CYSLTR2: variants seen among roughly 807,000 people sequenced by gnomAD.
CYSLTR2 encodes cysteinyl leukotriene receptor 2.
For synonymous variants in CYSLTR2, 179 were observed against 160.8 expected (o/e 1.11, Z -0.86); for missense variants, 398 against 411.9 (o/e 0.97, Z 0.29).
chr13:48,706,932 GAA>G lies in CYSLTR2; in HGVS notation c.116_117del (p.Glu39ValfsTer29). On this transcript the variant is annotated frameshift_variant, in exon 5 of 5. Coordinates refer to ENST00000682523, the MANE Select transcript of CYSLTR2 (RefSeq NM_001308476.3). LOFTEE classifies it low-confidence loss of function (END_TRUNC). The stretch of plus-strand genomic sequence containing the variant: ...CTGCACAATTGAAAACTTCAAGAGA[GAA>G]TTTTTCCCAATTGTATATCTGATAA... ...RNCTIENFKR[E>X]FFPIVYLIIF... 6.2e-7 allele frequency: 1 copy of G among 1,614,152 alleles called. No individual in the cohort carries two copies. Among genetic ancestry groups the G allele is most frequent in the Non-Finnish European group, 8.5e-7 (1 of 1,180,020 alleles).
intron 3 of CYSLTR2, 128 bp downstream of exon 3, chr13:48,693,638 A>G (rs1954092637): frequency 6.6e-6 from 1 of 152,062 alleles, no homozygotes; most frequent in African/African-American, 2.4e-5. Context: ...AAAAAGGCTA[A>G]TGATGTTCCC....
At chr13:48,689,051 G>A (rs1323874898) in intron 1 of CYSLTR2, among the ~76,000 whole-genome samples, 1 of 152,212 alleles carries the variant, frequency 6.6e-6, no homozygotes, top group African/African-American at 2.4e-5. Context: ...CCGCATAAAT[G>A]TCTTCTTTTG....
intron 1 of CYSLTR2, among the ~76,000 whole-genome samples, chr13:48,661,684 C>T (rs954300783): frequency 3.3e-5 from 5 of 152,214 alleles, no homozygotes; most frequent in African/African-American, 1.2e-4. Flanking sequence ...CTTACACCAA[C>T]TGTCTCCTGT....
chr13:48,695,068 A>ATTT lies in CYSLTR2; in HGVS notation c.-102-1434_-102-1432dup, dbSNP rs869282546. ...AGACCATGGTATATCAGAACCTGGC[A>ATTT]TTTTTTTTTTTTTTTTTTTTTTTTT... On this transcript the variant is annotated intron_variant, in intron 3 of 4. Transcript: ENST00000682523. Among the ~76,000 whole-genome samples, 85 of 71,606 alleles carry ATTT rather than the reference A, an allele frequency of 1.2e-3. 17 individuals are homozygous for ATTT. Among genetic ancestry groups the ATTT allele is most frequent in the African/African-American group, 3.5e-3 (57 of 16,276 alleles). 47.0% of individuals were successfully genotyped at this position (71,606 alleles called of 152,430 possible). A position where few individuals can be genotyped will look rare whatever the true frequency, so the allele number is the denominator to read the frequency against.
At position 48,707,047 on chromosome 13, in the gene CYSLTR2, T is replaced by G. The variant is rs200908052; in HGVS notation, c.230T>G (p.Met77Arg). 6 of 1,614,220 alleles carry G rather than the reference T, an allele frequency of 3.7e-6. No homozygotes were observed. The highest frequency in any genetic ancestry group is 5.1e-6 in the Non-Finnish European group (6 of 1,180,042). The part of the protein sequence containing the change: ...YKKSTSVNVF[M>R]LNLAISDLLF... The stretch of plus-strand genomic sequence containing the variant: ...AAGTCCACATCTGTGAACGTTTTCA[T>G]GCTAAATCTGGCCATTTCAGATCTC... Residue 77 changes from methionine to arginine, a missense_variant, in exon 5 of 5, where the codon ATG (methionine) becomes AGG (arginine). Met to Arg is a moderately conservative substitution (Grantham distance 91). Transcript: ENST00000682523.
At chr13:48,679,360 C>G (rs771879966) in intron 1 of CYSLTR2, among the ~76,000 whole-genome samples, 1 of 152,230 alleles carries the variant, frequency 6.6e-6, no homozygotes, top group East Asian at 1.9e-4. Context: ...ACTTGCTTGA[C>G]CCATTCATCA....
At chr13:48,687,198 C>CTGGT (rs1454014086) in intron 1 of CYSLTR2, among the ~76,000 whole-genome samples, 2 of 152,040 alleles carry the variant, frequency 1.3e-5, no homozygotes, top group African/African-American at 2.4e-5. Context: ...AGAATTACAC[C>CTGGT]TGGTTCTGAG....
In CYSLTR2 at chr13:48,707,204, GA is replaced by G; in HGVS notation, c.388del (p.Thr130ProfsTer3). 6.2e-7 allele frequency: 1 copy of G among 1,614,140 alleles called. No homozygotes were observed. Among genetic ancestry groups the G allele is most frequent in the Non-Finnish European group, 8.5e-7 (1 of 1,180,038 alleles). The part of the protein sequence containing the change: ...VNMYSSIYFL[T>X]VLSVVRFLAM... ...ACATGTACAGCAGTATTTATTTCCT[GA>G]CCGTGCTGAGTGTTGTGCGTTTCCT... On this transcript the variant is annotated frameshift_variant, in exon 5 of 5. Transcript: ENST00000682523. LOFTEE classifies it low-confidence loss of function (END_TRUNC).
chr13:48,695,301 T>A (rs1433878698), intron 3 of CYSLTR2, among the ~76,000 whole-genome samples: 3 of 151,358 alleles, frequency 2.0e-5, no homozygotes, highest in African/African-American at 7.3e-5. Flanking sequence ...CTTCTCTTTC[T>A]TCTTTCTTTC....
chr13:48,687,941 C>T (rs1297121621), intron 1 of CYSLTR2, among the ~76,000 whole-genome samples: 3 of 152,116 alleles, frequency 2.0e-5, no homozygotes, highest in Non-Finnish European at 1.5e-5. Context: ...TTTATTTGGT[C>T]GTGGTTGTGG....
chr13:48,664,008 C>T (rs566049109), intron 1 of CYSLTR2, among the ~76,000 whole-genome samples: 26 of 152,086 alleles, frequency 1.7e-4, no homozygotes, highest in African/African-American at 6.3e-4. Flanking sequence ...TCCTTCTATA[C>T]CTAATTGTAA....
At chr13:48,671,326 G>A (rs1427078222) in intron 1 of CYSLTR2, among the ~76,000 whole-genome samples, 1 of 152,186 alleles carries the variant, frequency 6.6e-6, no homozygotes, top group African/African-American at 2.4e-5. Flanking sequence ...GAATAGGAGT[G>A]GTGAGAGAGG....
intron 1 of CYSLTR2, among the ~76,000 whole-genome samples, chr13:48,682,724 T>A (rs935960649): frequency 2.3e-4 from 35 of 152,178 alleles, no homozygotes; most frequent in African/African-American, 8.2e-4. Context: ...AGGGAACTAA[T>A]TTTTTTTACC....
In CYSLTR2 at chr13:48,707,070, C is replaced by T. The variant is rs2139010078; in HGVS notation, c.253C>T (p.Leu85Phe). The change falls in exon 5 of 5, where the codon CTC becomes TTC. Residue 85 changes from leucine to phenylalanine, a missense_variant. By Grantham distance (22) the Leu-to-Phe change is conservative (BLOSUM62 0). Coordinates refer to ENST00000682523, the MANE Select transcript of CYSLTR2 (RefSeq NM_001308476.3). The stretch of plus-strand genomic sequence containing the variant: ...CATGCTAAATCTGGCCATTTCAGAT[C>T]TCCTGTTCATAAGCACGCTTCCCTT... ...VFMLNLAISD[L>F]LFISTLPFRA... 6.2e-7 allele frequency: 1 copy of T among 1,614,162 alleles called. No individual in the cohort carries two copies. The highest frequency in any genetic ancestry group is 2.2e-5 in the East Asian group (1 of 44,884).
intron 1 of CYSLTR2, among the ~76,000 whole-genome samples, chr13:48,687,500 AATCT>A (rs1953925966): frequency 6.6e-6 from 1 of 152,064 alleles, no homozygotes; most frequent in African/African-American, 2.4e-5. Flanking sequence ...AATTATCTAT[AATCT>A]ATCATCTATC....
chr13:48,680,664 T>G (rs571858872), intron 1 of CYSLTR2, among the ~76,000 whole-genome samples: 34 of 152,296 alleles, frequency 2.2e-4, no homozygotes, highest in African/African-American at 7.9e-4. Flanking sequence ...TGCTGCCAAA[T>G]AATTTCCCAG....
intron 3 of CYSLTR2, among the ~76,000 whole-genome samples, chr13:48,695,144 A>C (rs930819168): frequency 7.8e-6 from 1 of 128,784 alleles, no homozygotes; most frequent in Non-Finnish European, 1.6e-5. Context: ...GTGTGATCAC[A>C]GTTCACTTCA....
At chr13:48,661,740 T>C (rs750487504) in intron 1 of CYSLTR2, among the ~76,000 whole-genome samples, 4 of 152,226 alleles carry the variant, frequency 2.6e-5, no homozygotes, top group Non-Finnish European at 4.4e-5. Flanking sequence ...TGACAAATAA[T>C]AATTGCATAT....
intron 1 of CYSLTR2, among the ~76,000 whole-genome samples, chr13:48,673,484 C>A (rs145333042): frequency 1.5e-4 from 14 of 93,504 alleles, no homozygotes; most frequent in Non-Finnish European, 2.3e-4. Flanking sequence ...GGTAAATATT[C>A]CTTCATCCCT....
Sources: allele counts gnomAD v4.1 joint callset (sites outside exome capture counted in the v4.1 genomes callset), GRCh38; gene constraint gnomAD v4.1.1; transcripts MANE v1.5; gene names NCBI Gene and HGNC (gene_info 2026-07-23, HGNC 2026-07-21).